The following TMPRSS5 variants were observed in gnomAD, a reference collection of about 807,000 sequenced individuals.
The protein encoded by TMPRSS5 is transmembrane serine protease 5.
In TMPRSS5, 45 loss-of-function variants were observed where a neutral mutation model predicts 59.7. The observed-to-expected ratio is 0.75, with a 90% CI of 0.59 to 0.97. TMPRSS5 has a LOEUF of 0.97. TMPRSS5 is among the 50% of genes least tolerant of loss of function. The probability of loss-of-function intolerance (pLI) is 0.00; values close to 1 mark genes in which losing one functional copy is unlikely to be tolerated. For synonymous variants in TMPRSS5, 225 were observed against 232.0 expected (o/e 0.97, Z 0.27); for missense variants, 585 against 596.7 (o/e 0.98, Z 0.20).
In TMPRSS5 at chr11:113,693,139, A is replaced by G; in HGVS notation, c.896T>C (p.Leu299Pro). The G allele has an allele frequency of 6.3e-7, 1 of 1,598,542 alleles. No individual in the cohort carries two copies. ...GTAGTCATGATTCTGGGCACTGTAG[A>G]GGGGGTGTGGGATAATCCTCTCCAC... ...ALVERIIPHP[L>P]YSAQNHDYDV... The change falls in exon 9 of 13, where the codon CTC (leucine) becomes CCC (proline). Residue 299 changes from leucine to proline, a missense_variant. Physicochemically the swap from Leu to Pro is moderately conservative, Grantham distance 98. Coordinates refer to ENST00000299882, the MANE Select transcript of TMPRSS5 (RefSeq NM_030770.4).
intron 9 of TMPRSS5, among the ~76,000 whole-genome samples, chr11:113,691,479 C>G (rs1489742762): frequency 6.6e-6 from 1 of 152,168 alleles, no homozygotes; most frequent in Non-Finnish European, 1.5e-5. Context: ...GTCCTCCCAC[C>G]AAACAGGAGA....
At chr11:113,689,092 G>A (rs1419723081) in intron 12 of TMPRSS5, among the ~76,000 whole-genome samples, 2 of 152,138 alleles carry the variant, frequency 1.3e-5, no homozygotes, top group Admixed American at 6.5e-5. Flanking sequence ...GCACAGTGGT[G>A]CATGCCTGTA....
Position 113,690,213 on chromosome 11 carries a change from AG to A in TMPRSS5, c.1206+17del. 1 of 477,482 alleles carries A rather than the reference AG, an allele frequency of 2.1e-6. No homozygotes were observed. The highest frequency in any genetic ancestry group is 3.0e-6 in the Non-Finnish European group (1 of 336,002). The allele number at this position is 477,482 out of a possible 1,614,324, so 29.6% of individuals were successfully genotyped here. Reference sequence around the variant, plus strand: ...CCACCTCCACTCCCACCCTCACCCCAGCCACCACAGGCCACACCTGGCATGC... The same window carrying A: ...CCACCTCCACTCCCACCCTCACCCCACCACCACAGGCCACACCTGGCATGC... On this transcript the variant is annotated intron_variant, in intron 11 of 12. Transcript: ENST00000299882.
At chr11:113,691,926 C>T (rs1952794922) in intron 9 of TMPRSS5, among the ~76,000 whole-genome samples, 1 of 104,820 alleles carries the variant, frequency 9.5e-6, no homozygotes, top group African/African-American at 4.8e-5. Flanking sequence ...CTTGCTTTGT[C>T]ACCCAGGCTG....
chr11:113,694,385 C>T, intron 8 of TMPRSS5, 93 bp downstream of exon 8: 1 of 1,378,856 alleles, frequency 7.3e-7, no homozygotes, highest in South Asian at 1.3e-5. Flanking sequence ...AAGCTGGAGA[C>T]AGTTGGACAC....
chr11:113,704,398 A>C (rs1202693172), intron 1 of TMPRSS5, among the ~76,000 whole-genome samples: 1 of 152,172 alleles, frequency 6.6e-6, no homozygotes, highest in African/African-American at 2.4e-5. Context: ...AGTCAGAGTA[A>C]TCTTTCTAAA....
Position 113,690,870 on chromosome 11 carries a change from G to A in TMPRSS5, c.1034C>T (p.Ser345Phe). 6.3e-7 allele frequency: 1 copy of A among 1,595,486 alleles called. No individual in the cohort carries two copies. The highest frequency in any genetic ancestry group is 1.3e-5 in the African/African-American group (1 of 74,840). ...HFPKGSRCWVSGWGHTHPSHT... is the reference protein window; with the variant it reads ...HFPKGSRCWVFGWGHTHPSHT... ...GCTAGGGTGGGTGTGGCCCCAGCCAGACACCCAGCACCGCGAGCCCTTCGG... is the reference window on the plus strand; with the variant it reads ...GCTAGGGTGGGTGTGGCCCCAGCCAAACACCCAGCACCGCGAGCCCTTCGG... Residue 345 changes from serine to phenylalanine, a missense_variant, in exon 10 of 13, where the codon TCT (serine) becomes TTT (phenylalanine). By Grantham distance (155) the Ser-to-Phe change is radical. Coordinates refer to ENST00000299882, the MANE Select transcript of TMPRSS5 (RefSeq NM_030770.4).
chr11:113,696,981 A>G lies in TMPRSS5; in HGVS notation c.465-10T>C, dbSNP rs1039958348. ...CTTGTGGTGAGTGAGTCTTGGCAGA[A>G]GAAGGGAATAGAACAGGAGGAAATC... On this transcript the variant is annotated splice_polypyrimidine_tract_variant and intron_variant, in intron 5 of 12. Transcript: ENST00000299882. The G allele has an allele frequency of 1.0e-5, 16 of 1,543,160 alleles. No individual in the cohort carries two copies. In the African/African-American group the frequency reaches 1.1e-4, roughly 11 times the overall value.
intron 1 of TMPRSS5, among the ~76,000 whole-genome samples, chr11:113,704,575 G>T (rs553575549): frequency 1.3e-5 from 2 of 152,124 alleles, no homozygotes; most frequent in African/African-American, 4.8e-5. Flanking sequence ...CAAAATTTGG[G>T]ATCACACTGA....
chr11:113,701,517 T>A (rs1243145434), intron 1 of TMPRSS5, among the ~76,000 whole-genome samples: 3 of 151,980 alleles, frequency 2.0e-5, no homozygotes, highest in Non-Finnish European at 4.4e-5. Context: ...TCAACTTTAT[T>A]GAGGCATAAT....
chr11:113,691,092 C>T, intron 9 of TMPRSS5, 153 bp from the exon 10 acceptor site: 1 of 657,066 alleles, frequency 1.5e-6, no homozygotes, highest in Non-Finnish European at 2.7e-6. Flanking sequence ...TCCTAGATGG[C>T]TATGCAAGTG....
At chr11:113,689,287 T>C (rs4938035) in intron 12 of TMPRSS5, among the ~76,000 whole-genome samples, 24 of 151,770 alleles carry the variant, frequency 1.6e-4, no homozygotes, top group East Asian at 9.7e-4. Flanking sequence ...ACCCGGGAGA[T>C]AGAGGTTGCA....
chr11:113,690,175 T>TCC, intron 11 of TMPRSS5, 56 bp downstream of exon 11: 3 of 159,588 alleles, frequency 1.9e-5, no homozygotes, highest in Non-Finnish European at 2.1e-5. Flanking sequence ...GCAGGCCCCC[T>TCC]GCCCTCCCAC....
At chr11:113,691,291 T>A (rs1387968230) in intron 9 of TMPRSS5, among the ~76,000 whole-genome samples, 1 of 152,194 alleles carries the variant, frequency 6.6e-6, no homozygotes, top group East Asian at 1.9e-4. Flanking sequence ...TCCAAAAACG[T>A]GACATATCCC....
At position 113,706,210 on chromosome 11, in the gene TMPRSS5, A is replaced by G. The variant is rs7926267; in HGVS notation, c.3+12T>C. On this transcript the variant is annotated intron_variant, in intron 1 of 12. Transcript: ENST00000299882. ...AGGCCACAGCAGGGATGGCACAGAG[A>G]CGTAACCTTACCATAGGGGTCAGTG... 0.66 allele frequency: 1,061,032 copies of G among 1,596,432 alleles called. 356,570 individuals are homozygous for G. Among genetic ancestry groups the G allele is most frequent in the African/African-American group, 0.93 (69,140 of 74,570 alleles).
At chr11:113,689,642 G>A (rs778777189) in intron 12 of TMPRSS5, 123 bp downstream of exon 12, 1 of 1,003,032 alleles carries the variant, frequency 1.0e-6, no homozygotes, top group Non-Finnish European at 1.4e-6. Flanking sequence ...ACTCACTCTG[G>A]GGAATATGTC....
chr11:113,689,447 T>C (rs1187376105), intron 12 of TMPRSS5, among the ~76,000 whole-genome samples: 2 of 152,054 alleles, frequency 1.3e-5, no homozygotes, highest in Non-Finnish European at 1.5e-5. Context: ...CATATAACAA[T>C]AGCATATAAG....
Position 113,706,167 on chromosome 11 carries a change from A to C in TMPRSS5, c.3+55T>G, listed in dbSNP as rs1953286466. The C allele has an allele frequency of 3.8e-6, 6 of 1,574,138 alleles. No homozygotes were observed. In the Admixed American group the frequency reaches 1.1e-4, roughly 29 times the overall value. On this transcript the variant is annotated intron_variant, in intron 1 of 12. Coordinates refer to ENST00000299882, the MANE Select transcript of TMPRSS5 (RefSeq NM_030770.4). The stretch of plus-strand genomic sequence containing the variant: ...AGAATCCCAAGGGCAGAGGAGGGAG[A>C]GAGAAAGAAAGAGAGAGAGGCCACA...
intron 7 of TMPRSS5, 112 bp from the exon 8 acceptor site, chr11:113,694,752 G>C: frequency 9.2e-7 from 1 of 1,092,580 alleles, no homozygotes; most frequent in Non-Finnish European, 1.3e-6. Context: ...AGTGTGGACA[G>C]CTCTCCTTTC....
Sources: allele counts gnomAD v4.1 joint callset (sites outside exome capture counted in the v4.1 genomes callset), GRCh38; gene constraint gnomAD v4.1.1; transcripts MANE v1.5; gene names NCBI Gene and HGNC (gene_info 2026-07-23, HGNC 2026-07-21).